The following STXBP5L variants were observed in gnomAD, a reference collection of about 807,000 sequenced individuals.
STXBP5L encodes the protein syntaxin-binding protein 5-like.
Under a neutral mutation model 144.5 loss-of-function variants are expected in STXBP5L, and 65 were observed. That is an observed-to-expected ratio of 0.45 (90% CI 0.37 to 0.55). The LOEUF (loss-of-function observed/expected upper bound fraction) is 0.55, where lower values mean the gene tolerates loss of function less well. Ranked by LOEUF, STXBP5L falls within the 20% of genes least tolerant of loss-of-function variation. The probability of loss-of-function intolerance (pLI) is 0.00; values close to 1 mark genes in which losing one functional copy is unlikely to be tolerated. For synonymous variants in STXBP5L, 505 were observed against 469.6 expected (o/e 1.08, Z -0.97); for missense variants, 1,298 against 1,405.5 (o/e 0.92, Z 1.22).
chr3:121,027,107 A>G (rs1946004745), intron 3 of STXBP5L, among the ~76,000 whole-genome samples: 1 of 151,896 alleles, frequency 6.6e-6, no homozygotes, highest in African/African-American at 2.4e-5. Context: ...ATGTATATAT[A>G]TATGTGTTTG....
At chr3:121,338,065 T>C (rs1339966776) in intron 20 of STXBP5L, among the ~76,000 whole-genome samples, 1 of 152,044 alleles carries the variant, frequency 6.6e-6, no homozygotes, top group Admixed American at 6.6e-5. Context: ...GGTGCTAAGA[T>C]GAAAGTTTAT....
In STXBP5L at chr3:121,102,935, A is replaced by G. The variant is rs752444796; in HGVS notation, c.471-11990A>G. ...TCAAAAGAAGACATACAAGTGTTCA[A>G]CAAAAATGAAAAAATACCCCACATA... On this transcript the variant is annotated intron_variant, in intron 5 of 26. Coordinates refer to ENST00000471454, the MANE Select transcript of STXBP5L (RefSeq NM_001308330.2). 9.3e-4 allele frequency among the ~76,000 whole-genome samples: 142 copies of G among 152,188 alleles called. 1 individual carries two copies. Among genetic ancestry groups the G allele is most frequent in the Non-Finnish European group, 1.8e-3 (121 of 68,004 alleles).
chr3:121,079,937 A>G (rs1247551930), intron 5 of STXBP5L, among the ~76,000 whole-genome samples: 1 of 152,152 alleles, frequency 6.6e-6, no homozygotes, highest in Non-Finnish European at 1.5e-5. Flanking sequence ...GTGCCCCACT[A>G]TTATTGTGTT....
chr3:121,317,741 G>A (rs2108529184), intron 19 of STXBP5L, among the ~76,000 whole-genome samples: 1 of 152,188 alleles, frequency 6.6e-6, no homozygotes, highest in South Asian at 2.1e-4. Flanking sequence ...TTAATCTGTT[G>A]TGTCTATTGT....
chr3:121,380,526 T>C (rs1202568773), intron 21 of STXBP5L, among the ~76,000 whole-genome samples: 1 of 151,942 alleles, frequency 6.6e-6, no homozygotes, highest in Non-Finnish European at 1.5e-5. Flanking sequence ...CTGAGCTGTA[T>C]GAGTTTATGC....
At chr3:120,971,793 T>C (rs61797911) in intron 3 of STXBP5L, among the ~76,000 whole-genome samples, 303 of 139,622 alleles carry the variant, frequency 2.2e-3, no homozygotes, top group African/African-American at 6.4e-3. Flanking sequence ...TATATATATA[T>C]ACACACATAT....
chr3:121,071,186 G>A (rs910486729), intron 5 of STXBP5L, among the ~76,000 whole-genome samples: 7 of 152,138 alleles, frequency 4.6e-5, no homozygotes, highest in Admixed American at 2.0e-4. Flanking sequence ...CTTATACTAT[G>A]CACAGGCACC....
rs148732926 is a variant in STXBP5L at position 120,983,969 on chromosome 3, C to A, written c.287+28932C>A. 4.0e-3 allele frequency among the ~76,000 whole-genome samples: 608 copies of A among 152,324 alleles called. 1 individual carries two copies. The highest frequency in any genetic ancestry group is 0.013 in the African/African-American group (560 of 41,574). ...CTTCCAGTCAGTCTCTTAACTGTGG[C>A]ATCCCTGGTGATCAGAGTGCAGAGT... is the stretch of plus-strand genomic sequence containing the variant. On this transcript the variant is annotated intron_variant, in intron 3 of 26. Coordinates refer to ENST00000471454, the MANE Select transcript of STXBP5L (RefSeq NM_001308330.2).
At chr3:121,059,082 C>G (rs1948644868) in intron 5 of STXBP5L, among the ~76,000 whole-genome samples, 1 of 152,156 alleles carries the variant, frequency 6.6e-6, no homozygotes, top group South Asian at 2.1e-4. Context: ...CCTAGATTTT[C>G]TTCTAGAGTT....
At chr3:121,295,969 A>G (rs995707959) in intron 19 of STXBP5L, among the ~76,000 whole-genome samples, 3 of 152,180 alleles carry the variant, frequency 2.0e-5, no homozygotes, top group Non-Finnish European at 4.4e-5. Flanking sequence ...GTACTATCTT[A>G]TTATATTACC....
chr3:121,128,738 T>C (rs1207133073), intron 7 of STXBP5L, among the ~76,000 whole-genome samples: 1 of 152,094 alleles, frequency 6.6e-6, no homozygotes, highest in Admixed American at 6.6e-5. Flanking sequence ...GGAAGCTGAC[T>C]GGGATGTTGT....
In STXBP5L at chr3:120,909,729, C is replaced by G; in HGVS notation, c.151C>G (p.Gln51Glu). ...GTAGVLREEI[Q>E]ETLTSEYFQI... ...TGCAGGGGTTCTCAGAGAGGAAATTCAGGAAACTTTGACTTCGGAGTATTT... is the reference window on the plus strand; with the variant it reads ...TGCAGGGGTTCTCAGAGAGGAAATTGAGGAAACTTTGACTTCGGAGTATTT... The change falls in exon 2 of 27, where the codon CAG becomes GAG. Residue 51 changes from glutamine (Q) to glutamate (E), a missense_variant. Physicochemically the swap from Gln to Glu is conservative, Grantham distance 29 (BLOSUM62 2). Transcript: ENST00000471454. The G allele has an allele frequency of 2.5e-6, 4 of 1,611,782 alleles. No homozygotes were observed. Among genetic ancestry groups the G allele is most frequent in the Non-Finnish European group, 3.4e-6 (4 of 1,179,398 alleles).
At position 121,067,459 on chromosome 3, in the gene STXBP5L, A is replaced by C. The variant is rs538500631; in HGVS notation, c.470+21924A>C. ...AGTTTTCTATCTCTTGTTAGTAAAA[A>C]ATAAAATGCCACTGTGGAAAGATCA... On this transcript the variant is annotated intron_variant, in intron 5 of 26. Transcript: ENST00000471454. Among the ~76,000 whole-genome samples, 158 of 152,282 alleles carry C rather than the reference A, an allele frequency of 1.0e-3. 1 individual carries two copies. Among genetic ancestry groups the C allele is most frequent in the African/African-American group, 3.4e-3 (141 of 41,580 alleles).
At chr3:121,013,997 A>T (rs866503659) in intron 3 of STXBP5L, among the ~76,000 whole-genome samples, 1 of 151,938 alleles carries the variant, frequency 6.6e-6, no homozygotes, top group South Asian at 2.1e-4. Flanking sequence ...ATTGGTCTGT[A>T]TGTCTGTTTT....
Position 121,147,460 on chromosome 3 carries a change from A to T in STXBP5L, c.670-5017A>T, listed in dbSNP as rs376692488. On this transcript the variant is annotated intron_variant, in intron 7 of 26. Transcript: ENST00000471454. ...TCAAAAACTTGTGCAATGTAGCTAA[A>T]GCTGTGCCTCCAGGAAAATTTATAG... 7.9e-5 allele frequency among the ~76,000 whole-genome samples: 12 copies of T among 152,278 alleles called. No individual in the cohort carries two copies. In the East Asian group the frequency reaches 1.5e-3, roughly 20 times the overall value.
At chr3:121,100,554 A>T (rs1009820837) in intron 5 of STXBP5L, among the ~76,000 whole-genome samples, 13 of 152,168 alleles carry the variant, frequency 8.5e-5, no homozygotes, top group African/African-American at 3.1e-4. Context: ...AAATGAAAAC[A>T]GAGACATGAC....
intron 7 of STXBP5L, among the ~76,000 whole-genome samples, chr3:121,143,781 A>T (rs111590775): frequency 4.6e-5 from 7 of 151,960 alleles, no homozygotes; most frequent in Non-Finnish European, 8.9e-5. Flanking sequence ...GACCTTTTTC[A>T]TACATCTTAC....
chr3:120,911,594 A>G (rs899940828), intron 2 of STXBP5L, among the ~76,000 whole-genome samples: 5 of 152,080 alleles, frequency 3.3e-5, no homozygotes, highest in African/African-American at 9.6e-5. Flanking sequence ...GGATGATAAA[A>G]TATATACGAA....
chr3:121,187,693 GT>G (rs1400660362), intron 9 of STXBP5L, among the ~76,000 whole-genome samples: 1 of 151,834 alleles, frequency 6.6e-6, no homozygotes. Flanking sequence ...ACATAACAAT[GT>G]TAACCTTAAA....
Sources: allele counts gnomAD v4.1 joint callset (sites outside exome capture counted in the v4.1 genomes callset), GRCh38; gene constraint gnomAD v4.1.1; transcripts MANE v1.5; gene names NCBI Gene and HGNC (gene_info 2026-07-23, HGNC 2026-07-21).